Variants in GFRA1 observed in about 807,000 individuals in gnomAD.
The protein encoded by GFRA1 is GDNF family receptor alpha-1.
Under a neutral mutation model 51.6 loss-of-function variants are expected in GFRA1, and 16 were observed. The observed-to-expected ratio is 0.31, with a 90% confidence interval of 0.21 to 0.47. The LOEUF (loss-of-function observed/expected upper bound fraction) is 0.47, where lower values mean the gene tolerates loss of function less well. GFRA1 is among the 20% of genes least tolerant of loss of function. GFRA1 has a pLI of 1.00. For synonymous variants in GFRA1, 270 were observed against 241.3 expected, an observed-to-expected ratio of 1.12 and a Z score of -1.10; for missense variants, 530 against 594.3, an observed-to-expected ratio of 0.89 and a Z score of 1.13.
intron 5 of GFRA1, among the ~76,000 whole-genome samples, 194 bp downstream of exon 5, chr10:116,211,437 G>T (rs1364700996): frequency 6.6e-6 from 1 of 152,214 alleles, no homozygotes; most frequent in African/African-American, 2.4e-5. Context: ...TTCAGAGGAA[G>T]AAGCAGAGGT....
At chr10:116,167,575 CT>C (rs35157891) in intron 5 of GFRA1, among the ~76,000 whole-genome samples, 61,196 of 148,246 alleles carry the variant, frequency 0.41, 12,337 homozygotes, top group South Asian at 0.48. Context: ...AACCAAAGTC[CT>C]TTTTTTTTTT....
chr10:116,145,148 C>CAAAAAAAAAAAAAAAAAAAAAAAAAAAA (rs58509181), intron 5 of GFRA1, among the ~76,000 whole-genome samples: 2 of 28,736 alleles, frequency 7.0e-5, no homozygotes, highest in Admixed American at 6.0e-4. Flanking sequence ...GACTCTGTCT[C>CAAAAAAAAAAAAAAAAAAAAAAAAAAAA]AAAAAAAAAA....
intron 4 of GFRA1, among the ~76,000 whole-genome samples, chr10:116,244,907 A>C (rs1247883473): frequency 6.6e-6 from 1 of 152,188 alleles, no homozygotes; most frequent in Non-Finnish European, 1.5e-5. Context: ...AATCACACCT[A>C]AATACCAGTG....
At chr10:116,148,059 TGTGCATGC>T (rs1958895934) in intron 5 of GFRA1, among the ~76,000 whole-genome samples, 5 of 144,838 alleles carry the variant, frequency 3.5e-5, no homozygotes, top group Middle Eastern at 3.5e-3. Context: ...TGCATGCATG[TGTGCATGC>T]GTGTGTGCAT....
At chr10:116,101,275 ACTC>A (rs1246991769) in intron 6 of GFRA1, among the ~76,000 whole-genome samples, 1 of 152,014 alleles carries the variant, frequency 6.6e-6, no homozygotes, top group Non-Finnish European at 1.5e-5. Flanking sequence ...TAACAAAGAA[ACTC>A]CTCAACTGGA....
chr10:116,219,838 C>T (rs1589883405), intron 4 of GFRA1, among the ~76,000 whole-genome samples: 1 of 152,274 alleles, frequency 6.6e-6, no homozygotes, highest in East Asian at 1.9e-4. Flanking sequence ...AAGTGAGCCC[C>T]TGGATATCAA....
chr10:116,176,104 C>CT (rs745369764), intron 5 of GFRA1, among the ~76,000 whole-genome samples: 1 of 152,162 alleles, frequency 6.6e-6, no homozygotes, highest in African/African-American at 2.4e-5. Context: ...TGAACCTATG[C>CT]TTTTATAGCC....
intron 4 of GFRA1, among the ~76,000 whole-genome samples, chr10:116,221,833 G>A (rs1187628843): frequency 6.6e-6 from 1 of 152,130 alleles, no homozygotes; most frequent in Non-Finnish European, 1.5e-5. Context: ...TGCAGAGACT[G>A]CCTAGATACA....
chr10:116,088,837 C>T (rs571488919), intron 9 of GFRA1, among the ~76,000 whole-genome samples: 2 of 137,956 alleles, frequency 1.4e-5, no homozygotes, highest in Admixed American at 8.3e-5. Flanking sequence ...AGGAGAATGG[C>T]GTGAACCCGG....
At chr10:116,134,820 A>G (rs1360525571) in intron 5 of GFRA1, among the ~76,000 whole-genome samples, 1 of 152,082 alleles carries the variant, frequency 6.6e-6, no homozygotes, top group East Asian at 1.9e-4. Flanking sequence ...TAGCGCTTCC[A>G]TTTCCTTAAC....
intron 5 of GFRA1, among the ~76,000 whole-genome samples, chr10:116,162,870 T>C (rs779491333): frequency 1.8e-4 from 27 of 152,184 alleles, no homozygotes; most frequent in Non-Finnish European, 3.1e-4. Flanking sequence ...CTTTGACAGA[T>C]GAGAAATATG....
intron 5 of GFRA1, among the ~76,000 whole-genome samples, chr10:116,154,072 A>G (rs1274080216): frequency 1.3e-5 from 2 of 152,234 alleles, no homozygotes; most frequent in Non-Finnish European, 2.9e-5. Context: ...CAAGATGGCT[A>G]AAATGAAGAG....
intron 9 of GFRA1, among the ~76,000 whole-genome samples, chr10:116,084,459 C>T (rs1955997602): frequency 6.6e-6 from 1 of 152,132 alleles, no homozygotes; most frequent in Non-Finnish European, 1.5e-5. Context: ...CCTGTGCCAA[C>T]TGCCCACAGC....
chr10:116,068,841 C>G (rs537000785), intron 9 of GFRA1, among the ~76,000 whole-genome samples: 1 of 139,078 alleles, frequency 7.2e-6, no homozygotes, highest in African/African-American at 3.0e-5. Flanking sequence ...CCGCTTTCAG[C>G]TATCACAAAA....
chr10:116,232,039 ATCT>A (rs775352813), intron 4 of GFRA1, among the ~76,000 whole-genome samples: 4 of 152,192 alleles, frequency 2.6e-5, no homozygotes, highest in Admixed American at 6.5e-5. Context: ...CAAACTGATC[ATCT>A]TCTTCTTCCT....
rs760815890 is a variant in GFRA1 at position 116,096,637 on chromosome 10, G to T, written c.880+18C>A. 12 of 1,363,596 alleles carry T rather than the reference G, an allele frequency of 8.8e-6. No homozygotes were observed. Among genetic ancestry groups the T allele is most frequent in the Non-Finnish European group, 1.3e-5 (12 of 953,214 alleles). 84.5% of individuals were successfully genotyped at this position (1,363,596 alleles called of 1,614,324 possible). Reference sequence around the variant, plus strand: ...GCAAACCACACTCTTCTCCCATCCTGCTTCTCTCGGATCTTACCAATAAGC... The same window carrying T: ...GCAAACCACACTCTTCTCCCATCCTTCTTCTCTCGGATCTTACCAATAAGC... On this transcript the variant is annotated intron_variant, in intron 7 of 10. Coordinates refer to ENST00000355422, the MANE Select transcript of GFRA1 (RefSeq NM_005264.8).
intron 5 of GFRA1, among the ~76,000 whole-genome samples, chr10:116,198,129 C>T (rs1252180219): frequency 6.6e-6 from 1 of 152,144 alleles, no homozygotes; most frequent in Non-Finnish European, 1.5e-5. Flanking sequence ...CCTAGGAAGC[C>T]CCAAACCACA....
intron 4 of GFRA1, among the ~76,000 whole-genome samples, chr10:116,234,340 A>C (rs986627762): frequency 3.9e-5 from 6 of 152,208 alleles, no homozygotes; most frequent in African/African-American, 1.2e-4. Flanking sequence ...GTAAAGAAGA[A>C]ACCAGCTCCA....
At chr10:116,157,696 G>A (rs1412065413) in intron 5 of GFRA1, among the ~76,000 whole-genome samples, 1 of 152,208 alleles carries the variant, frequency 6.6e-6, no homozygotes, top group African/African-American at 2.4e-5. Flanking sequence ...CACATGGTCA[G>A]TGGTACTTGT....
Sources: gnomAD v4.1 joint callset for allele counts (sites outside exome capture counted in the v4.1 genomes callset) on GRCh38, gnomAD v4.1.1 for gene constraint, MANE v1.5 for transcripts, NCBI Gene and HGNC (gene_info 2026-07-23, HGNC 2026-07-21) for gene names.